Variants in ZNF142 observed in about 807,000 individuals in gnomAD.
The protein encoded by ZNF142 is zinc finger protein 142 (clone pHZ-49).
Under a neutral mutation model 132.1 loss-of-function variants are expected in ZNF142, and 96 were observed. That is an observed-to-expected ratio of 0.73 (90% confidence interval 0.62 to 0.86). The LOEUF is 0.86. Ranked by LOEUF, ZNF142 falls within the 40% of genes least tolerant of loss-of-function variation. The pLI is 0.00. For missense variants in ZNF142, 2,163 were observed against 2,336.2 expected (o/e 0.93, Z 1.53); for synonymous variants, 842 against 890.1 (o/e 0.95, Z 0.96).
chr2:218,642,184 T>C lies in ZNF142; in HGVS notation c.4932A>G (p.Lys1644=), dbSNP rs1409146373. ...TGTAGAGACGAGTGCCCCCATGCCCTTTCACATGGTGATCTAGTACCAGCT... is the reference window on the plus strand; with the variant it reads ...TGTAGAGACGAGTGCCCCCATGCCCCTTCACATGGTGATCTAGTACCAGCT... ...RHQLVLDHHV[K]GHGGTRLYKC... The change falls in exon 9 of 11, where the codon AAA becomes AAG. Residue 1644 remains lysine, a synonymous_variant. Transcript: ENST00000411696. This position sits in a 1 kb window ranked among gnomAD's most constrained non-coding sequence, Gnocchi z 4.6. 6.2e-7 allele frequency: 1 copy of C among 1,614,070 alleles called. No homozygotes were observed. The highest frequency in any genetic ancestry group is 2.2e-5 in the East Asian group (1 of 44,902).
Position 218,638,580 on chromosome 2 carries a change from A to T in ZNF142, c.5423T>A (p.Leu1808Gln). Residue 1808 changes from leucine to glutamine, a missense_variant, in exon 11 of 11, where the codon CTG becomes CAG. By Grantham distance (113) the Leu-to-Gln change is moderately radical. Coordinates refer to ENST00000411696, the MANE Select transcript of ZNF142 (RefSeq NM_001379659.1). ...CHRAFRWAAG[L>Q]RHHALTHTDR... ...GGTGTGGGTGAGGGCATGATGGCGCAGGCCAGCAGCCCAGCGGAAAGCACG... is the reference window on the plus strand; with the variant it reads ...GGTGTGGGTGAGGGCATGATGGCGCTGGCCAGCAGCCCAGCGGAAAGCACG... 1.2e-6 allele frequency: 2 copies of T among 1,612,272 alleles called. No individual in the cohort carries two copies. The highest frequency in any genetic ancestry group is 1.7e-6 in the Non-Finnish European group (2 of 1,178,512).
Position 218,634,672 on chromosome 2 carries a change from G to A in ZNF142, c.*3667C>T. ...CTGTTGGGAAGAAACTGAGATAACTGGGATAGAAGTGAGGGAAGAGGTGGC... is the reference window on the plus strand; with the variant it reads ...CTGTTGGGAAGAAACTGAGATAACTAGGATAGAAGTGAGGGAAGAGGTGGC... On this transcript the variant is annotated 3_prime_UTR_variant, in exon 11 of 11. Coordinates refer to ENST00000411696, the MANE Select transcript of ZNF142 (RefSeq NM_001379659.1). This position sits in a 1 kb window ranked among gnomAD's most constrained non-coding sequence, Gnocchi z 4.0. The A allele has an allele frequency of 6.3e-7, 1 of 1,597,872 alleles. No individual in the cohort carries two copies. Among genetic ancestry groups the A allele is most frequent in the Non-Finnish European group, 8.6e-7 (1 of 1,169,190 alleles).
In ZNF142 at chr2:218,635,163, G is replaced by A. The variant is rs1253311861; in HGVS notation, c.*3176C>T. On this transcript the variant is annotated 3_prime_UTR_variant, in exon 11 of 11. Coordinates refer to ENST00000411696, the MANE Select transcript of ZNF142 (RefSeq NM_001379659.1). ...ACTATAGATAGTCCTGGCTACTCAG[G>A]AGGCTAAGGCTGGAGGGTCACTTTA... Among the ~76,000 whole-genome samples the A allele has an allele frequency of 3.3e-5, 5 of 152,034 alleles. No individual in the cohort carries two copies. Among genetic ancestry groups the A allele is most frequent in the Admixed American group, 3.3e-4 (5 of 15,262 alleles).
chr2:218,651,655 G>A, intron 5 of ZNF142, 46 bp downstream of exon 5: 1 of 1,227,492 alleles, frequency 8.1e-7, no homozygotes, highest in Non-Finnish European at 1.0e-6. Context: ...AAGATCAACT[G>A]TGGCTGAACT....
rs1475963162 is a variant in ZNF142 at position 218,642,855 on chromosome 2, G to C, written c.4261C>G (p.Arg1421Gly). 1 of 1,614,060 alleles carries C rather than the reference G, an allele frequency of 6.2e-7. No homozygotes were observed. Among genetic ancestry groups the C allele is most frequent in the Non-Finnish European group, 8.5e-7 (1 of 1,180,042 alleles). ...GGGATGCGGCCAATGCCTGTGTGTC[G>C]GGACTGGTGAGCCTCTAACCGGTAC... ...RRYRLEAHQSRHTGIGRIPCS... is the reference protein window; with the variant it reads ...RRYRLEAHQSGHTGIGRIPCS... Residue 1421 changes from arginine (R) to glycine (G), a missense_variant, in exon 9 of 11, where the codon CGA becomes GGA. This residue lies in a region of ZNF142 where 809 missense variants were observed against 801.7 expected (regional missense o/e 1.01). Coordinates refer to ENST00000411696, the MANE Select transcript of ZNF142 (RefSeq NM_001379659.1). This position sits in a 1 kb window ranked among gnomAD's most constrained non-coding sequence, Gnocchi z 4.6.
chr2:218,657,106 C>T (rs1938586245), intron 3 of ZNF142, among the ~76,000 whole-genome samples: 1 of 152,116 alleles, frequency 6.6e-6, no homozygotes, highest in Non-Finnish European at 1.5e-5. Context: ...GCGTGAGCCA[C>T]CTTGCCTGGT....
Position 218,644,978 on chromosome 2 carries a change from A to C in ZNF142, c.2138T>G (p.Met713Arg). 1.2e-6 allele frequency: 2 copies of C among 1,614,174 alleles called. No individual in the cohort carries two copies. Among genetic ancestry groups the C allele is most frequent in the Non-Finnish European group, 1.7e-6 (2 of 1,180,024 alleles). Reference protein sequence around the residue: ...HKLRHQGKSLMCEVCAFACKR... With the variant: ...HKLRHQGKSLRCEVCAFACKR... ...GCAGGCGAAGGCACACACCTCACAC[A>C]TCAGAGACTTGCCCTGATGCCGCAG... Residue 713 changes from methionine to arginine, a missense_variant, in exon 9 of 11, where the codon ATG becomes AGG. Physicochemically the swap from Met to Arg is moderately conservative, Grantham distance 91 (BLOSUM62 -1). Coordinates refer to ENST00000411696, the MANE Select transcript of ZNF142 (RefSeq NM_001379659.1). This position sits in a 1 kb window ranked among gnomAD's most constrained non-coding sequence, Gnocchi z 4.6.
rs779958924 is a variant in ZNF142 at position 218,638,700 on chromosome 2, T to C, written c.5303A>G (p.Glu1768Gly). The change falls in exon 11 of 11, where the codon GAG becomes GGG. Residue 1768 changes from glutamate to glycine, a missense_variant. Glu to Gly is a moderately conservative substitution (Grantham distance 98, BLOSUM62 -2). Coordinates refer to ENST00000411696, the MANE Select transcript of ZNF142 (RefSeq NM_001379659.1). Reference protein sequence around the residue: ...RHREARAFMCEQCGKAFKTRF... With the variant: ...RHREARAFMCGQCGKAFKTRF... ...CGTCTTGAAGGCCTTGCCACACTGC[T>C]CACACATGAAAGCCCGTGCTTCTCG... is the stretch of plus-strand genomic sequence containing the variant. 1.2e-6 allele frequency: 2 copies of C among 1,614,168 alleles called. No individual in the cohort carries two copies. Among genetic ancestry groups the C allele is most frequent in the Non-Finnish European group, 8.5e-7 (1 of 1,180,038 alleles).
Position 218,648,671 on chromosome 2 carries a change from T to C in ZNF142, c.1837A>G (p.Lys613Glu). Residue 613 changes from lysine to glutamate, a missense_variant, in exon 7 of 11, where the codon AAG becomes GAG. This residue lies in a region of ZNF142 where 749 missense variants were observed against 830.3 expected (regional missense o/e 0.90). Transcript: ENST00000411696. ...AGCATGTGTCGGATGAGCACCCTCT[T>C]GTGGGCAGTGGCAAAGTTGCACTCA... The part of the protein sequence containing the change: ...CPECNFATAH[K>E]RVLIRHMLLH... 6.2e-7 allele frequency: 1 copy of C among 1,614,202 alleles called. No individual in the cohort carries two copies.
rs778328895 is a variant in ZNF142 at position 218,635,832 on chromosome 2, A to C, written c.*2507T>G. On this transcript the variant is annotated 3_prime_UTR_variant, in exon 11 of 11. Transcript: ENST00000411696. ...TCAGCAACTCCCCAAAGTGGACAAG[A>C]CCAAAGAGGGGTCCATTGTGGATCC... The C allele has an allele frequency of 1.3e-5, 21 of 1,613,652 alleles. No homozygotes were observed. Among genetic ancestry groups the C allele is most frequent in the Non-Finnish European group, 1.8e-5 (21 of 1,179,828 alleles).
rs1296189802 is a variant in ZNF142, at chr2:218,635,739, G to A, written c.*2600C>T. On this transcript the variant is annotated 3_prime_UTR_variant, in exon 11 of 11. Transcript: ENST00000411696. ...TCTTCTCCCCTGGGGTTGGGAGTAG[G>A]GTCGGGTGGGGCTGGGCTGAGCAGG... The A allele has an allele frequency of 1.4e-5, 22 of 1,571,796 alleles. No individual in the cohort carries two copies. The highest frequency in any genetic ancestry group is 1.9e-5 in the Non-Finnish European group (22 of 1,157,604).
intron 9 of ZNF142, among the ~76,000 whole-genome samples, chr2:218,641,286 G>C (rs1487727842): frequency 7.4e-6 from 1 of 135,850 alleles, no homozygotes; most frequent in Non-Finnish European, 1.5e-5. Context: ...TCGCTGTGTC[G>C]CCCAGGCTGG....
At position 218,638,256 on chromosome 2, in the gene ZNF142, T is replaced by A; in HGVS notation, c.*83A>T. 7.5e-7 allele frequency: 1 copy of A among 1,338,760 alleles called. No homozygotes were observed. The highest frequency in any genetic ancestry group is 9.8e-7 in the Non-Finnish European group (1 of 1,025,028). 82.9% of individuals were successfully genotyped at this position (1,338,760 alleles called of 1,614,324 possible). On this transcript the variant is annotated 3_prime_UTR_variant, in exon 11 of 11. Coordinates refer to ENST00000411696, the MANE Select transcript of ZNF142 (RefSeq NM_001379659.1). ...CCCAAAAGCCAGTCTTTCCTTAGGC[T>A]CTGAGCTCCTCAGGCTAGCGCTGGT...
chr2:218,642,922 C>T lies in ZNF142; in HGVS notation c.4194G>A (p.Lys1398=). 1 of 1,613,748 alleles carries T rather than the reference C, an allele frequency of 6.2e-7. No homozygotes were observed. ...AGTCACAGAAGGGGCACTGATGGGGCTTCACCCCCTCGTGCTTGAGCCGCC... is the reference window on the plus strand; with the variant it reads ...AGTCACAGAAGGGGCACTGATGGGGTTTCACCCCCTCGTGCTTGAGCCGCC... The part of the protein sequence containing the change: ...QHRRLKHEGV[K]PHQCPFCDFS... The change falls in exon 9 of 11, where the codon AAG becomes AAA. Residue 1398 remains lysine, a synonymous_variant. Transcript: ENST00000411696. The surrounding 1 kb of genome is among the most constrained non-coding windows in gnomAD (Gnocchi z 4.6).
At chr2:218,645,197 T>C in intron 8 of ZNF142, 133 bp from the exon 9 acceptor site, 1 of 1,129,356 alleles carries the variant, frequency 8.9e-7, no homozygotes, top group South Asian at 1.6e-5. Flanking sequence ...AACCCTCCTT[T>C]TCACTACCCT....
chr2:218,656,561 A>AT, intron 3 of ZNF142, 98 bp from the exon 4 acceptor site: 1 of 762,726 alleles, frequency 1.3e-6, no homozygotes. Context: ...CCACTTAGGC[A>AT]TTTTCTTGCA....
In ZNF142 at chr2:218,643,299, T is replaced by A. The variant is rs887917424; in HGVS notation, c.3817A>T (p.Asn1273Tyr). 12 of 1,614,026 alleles carry A rather than the reference T, an allele frequency of 7.4e-6. No individual in the cohort carries two copies. Among genetic ancestry groups the A allele is most frequent in the Admixed American group, 1.7e-5 (1 of 60,010 alleles). The change falls in exon 9 of 11, where the codon AAT becomes TAT. Residue 1273 changes from asparagine to tyrosine, a missense_variant. Transcript: ENST00000411696. Reference protein sequence around the residue: ...QTQPDVSPLSNGDSAPPKNGS... With the variant: ...QTQPDVSPLSYGDSAPPKNGS... Reference sequence around the variant, plus strand: ...TTCTTCGGGGGAGCAGAGTCCCCATTGCTCAACGGGGACACATCAGGCTGG... The same window carrying A: ...TTCTTCGGGGGAGCAGAGTCCCCATAGCTCAACGGGGACACATCAGGCTGG...
At chr2:218,656,015 C>T in intron 4 of ZNF142, 135 bp downstream of exon 4, 1 of 1,195,250 alleles carries the variant, frequency 8.4e-7, no homozygotes. Context: ...AACTGCAAAC[C>T]AAATGACAAC....
Position 218,642,692 on chromosome 2 carries a change from T to G in ZNF142, c.4424A>C (p.His1475Pro). ...SGYLRHDITR[H>P]VNSCHQGTPA... ...GGTGCCTTGGTGGCAGCTGTTGACA[T>G]GACGAGTGATGTCATGGCGAAGGTA... The change falls in exon 9 of 11, where the codon CAT becomes CCT. Residue 1475 changes from histidine (H) to proline (P), a missense_variant. His to Pro is a moderately conservative substitution (Grantham distance 77). This residue lies in a region of ZNF142 where 809 missense variants were observed against 801.7 expected (regional missense o/e 1.01). Transcript: ENST00000411696. This position sits in a 1 kb window ranked among gnomAD's most constrained non-coding sequence, Gnocchi z 4.6. 2.5e-6 allele frequency: 4 copies of G among 1,614,052 alleles called. No individual in the cohort carries two copies. Among genetic ancestry groups the G allele is most frequent in the Non-Finnish European group, 3.4e-6 (4 of 1,180,016 alleles).
Sources: allele counts gnomAD v4.1 joint callset (sites outside exome capture counted in the v4.1 genomes callset), GRCh38; gene constraint gnomAD v4.1.1; regional missense constraint gnomAD v4.1.1; non-coding constraint Gnocchi (gnomAD v3.1); transcripts MANE v1.5; gene names NCBI Gene and HGNC (gene_info 2026-07-23, HGNC 2026-07-21).